The following NRXN3 variants were observed in gnomAD, a reference collection of about 807,000 sequenced individuals.
NRXN3 encodes the protein neurexin 3, also known as neurexin III.
A neutral mutation model predicts 137.6 loss-of-function variants in NRXN3; 32 were observed. That is an observed-to-expected ratio of 0.23 (90% CI 0.18 to 0.31). The LOEUF (loss-of-function observed/expected upper bound fraction) is 0.31, where lower values mean the gene tolerates loss of function less well. Among genes scored for constraint, NRXN3 ranks in the 10% least tolerant of loss-of-function variants. NRXN3 has a pLI of 1.00. For missense variants in NRXN3, 1,574 were observed against 2,062.5 expected, an observed-to-expected ratio of 0.76 and a Z score of 4.59; for synonymous variants, 798 against 784.5, an observed-to-expected ratio of 1.02 and a Z score of -0.29.
intron 10 of NRXN3, among the ~76,000 whole-genome samples, chr14:78,826,240 A>C (rs2098966188): frequency 6.6e-6 from 1 of 152,098 alleles, no homozygotes. Context: ...TCAATTTTTT[A>C]GTTAACCTGT....
At chr14:79,202,543 C>T (rs192264190) in intron 15 of NRXN3, among the ~76,000 whole-genome samples, 8 of 152,160 alleles carry the variant, frequency 5.3e-5, no homozygotes, top group African/African-American at 1.9e-4. Flanking sequence ...TACGACTCTT[C>T]CCCCAAAGTC....
At chr14:78,493,042 A>G (rs2095697938) in intron 4 of NRXN3, among the ~76,000 whole-genome samples, 1 of 152,082 alleles carries the variant, frequency 6.6e-6, no homozygotes. Context: ...AGAGGAATGT[A>G]CCCTTTCCGA....
chr14:78,368,452 T>C (rs2086315911), intron 4 of NRXN3, among the ~76,000 whole-genome samples: 1 of 152,236 alleles, frequency 6.6e-6, no homozygotes, highest in Non-Finnish European at 1.5e-5. Flanking sequence ...GGCTTACGCC[T>C]GTAATCCCAG....
At chr14:78,266,617 A>G (rs1162053794) in intron 2 of NRXN3, among the ~76,000 whole-genome samples, 3 of 152,122 alleles carry the variant, frequency 2.0e-5, no homozygotes, top group Non-Finnish European at 4.4e-5. Context: ...GTTTCTTGGA[A>G]GCAGAACGTC....
chr14:78,297,752 G>T, intron 3 of NRXN3, 79 bp from the exon 4 acceptor site: 1 of 1,098,704 alleles, frequency 9.1e-7, no homozygotes, highest in Non-Finnish European at 1.3e-6. Flanking sequence ...TTGCATTTGG[G>T]ATTTTAACTT....
At chr14:79,589,581 A>C in intron 16 of NRXN3, among the ~76,000 whole-genome samples, 1 of 151,350 alleles carries the variant, frequency 6.6e-6, no homozygotes, top group African/African-American at 2.4e-5. Context: ...GAATCAAATA[A>C]GGAAGAGATA....
chr14:78,647,407 G>C (rs1356638721), intron 5 of NRXN3, among the ~76,000 whole-genome samples: 1 of 152,202 alleles, frequency 6.6e-6, no homozygotes, highest in African/African-American at 2.4e-5. Flanking sequence ...CCGCAGCCAT[G>C]TGTGGTGGCT....
At chr14:79,656,623 T>A (rs2098507498) in intron 16 of NRXN3, among the ~76,000 whole-genome samples, 1 of 151,900 alleles carries the variant, frequency 6.6e-6, no homozygotes, top group East Asian at 1.9e-4. Flanking sequence ...TCTCTTTTTT[T>A]TTTTTTTTTG....
chr14:78,966,918 T>G (rs1442261526), intron 12 of NRXN3, among the ~76,000 whole-genome samples: 1 of 152,218 alleles, frequency 6.6e-6, no homozygotes, highest in African/African-American at 2.4e-5. Flanking sequence ...ATGATGAATT[T>G]AAAAGTCACC....
intron 19 of NRXN3, among the ~76,000 whole-genome samples, chr14:79,791,940 T>C (rs1440042902): frequency 1.3e-5 from 2 of 152,196 alleles, no homozygotes; most frequent in Admixed American, 6.5e-5. Context: ...TCATCTTCCC[T>C]GCTACGCTGA....
At chr14:79,131,143 G>A (rs1202144223) in intron 15 of NRXN3, among the ~76,000 whole-genome samples, 1 of 152,194 alleles carries the variant, frequency 6.6e-6, no homozygotes, top group African/African-American at 2.4e-5. Context: ...GTAGCTCAGA[G>A]TAATTTGATC....
chr14:79,199,880 T>TA (rs1459157945), intron 15 of NRXN3: 1 of 152,178 alleles, frequency 6.6e-6, no homozygotes, highest in Admixed American at 6.5e-5. Flanking sequence ...GGTGAAAACT[T>TA]ATAAAAGGCC....
chr14:79,654,363 A>T (rs913282771), intron 16 of NRXN3, among the ~76,000 whole-genome samples: 5 of 152,182 alleles, frequency 3.3e-5, no homozygotes, highest in Non-Finnish European at 5.9e-5. Flanking sequence ...TTAAACTTAA[A>T]AAAAGTTCCA....
At chr14:78,177,402 G>T (rs2059381057) in intron 1 of NRXN3, among the ~76,000 whole-genome samples, 1 of 152,040 alleles carries the variant, frequency 6.6e-6, no homozygotes, top group Non-Finnish European at 1.5e-5. Flanking sequence ...GGGTGGGGTG[G>T]GGCCAGAGAA....
At chr14:78,971,689 G>A (rs563151326) in intron 14 of NRXN3, among the ~76,000 whole-genome samples, 93 of 152,226 alleles carry the variant, frequency 6.1e-4, no homozygotes, top group African/African-American at 2.1e-3. Flanking sequence ...AGGCTGGAGT[G>A]CAGTGGCGTG....
chr14:78,686,774 T>C (rs965627786), intron 6 of NRXN3, among the ~76,000 whole-genome samples: 1 of 152,190 alleles, frequency 6.6e-6, no homozygotes, highest in Admixed American at 6.5e-5. Flanking sequence ...AGCAGAACCC[T>C]TGATGCTTGG....
chr14:79,256,093 C>CCT (rs368357855), intron 15 of NRXN3, among the ~76,000 whole-genome samples: 1 of 151,476 alleles, frequency 6.6e-6, no homozygotes, highest in African/African-American at 2.4e-5. Context: ...GTCCATCCCT[C>CCT]CTCTCTCTCT....
At position 78,604,202 on chromosome 14, in the gene NRXN3, C is replaced by A. The variant is rs76380576; in HGVS notation, c.758-40918C>A. Among the ~76,000 whole-genome samples the A allele has an allele frequency of 2.4e-4, 37 of 152,208 alleles. 1 individual carries two copies. In the East Asian group the frequency reaches 7.0e-3, roughly 29 times the overall value. On this transcript the variant is annotated intron_variant, in intron 4 of 20. Coordinates refer to ENST00000335750, the MANE Select transcript of NRXN3 (RefSeq NM_001330195.2). ...CCTCCATAATTCAATTATCTCCTAC[C>A]GGGTTTCTCTCACAACACTTGGGAA...
intron 15 of NRXN3, among the ~76,000 whole-genome samples, chr14:79,399,692 G>A (rs992633885): frequency 6.6e-6 from 1 of 152,164 alleles, no homozygotes; most frequent in Non-Finnish European, 1.5e-5. Flanking sequence ...CAAGGCTATG[G>A]CAGATGTAAG....
Sources: allele counts gnomAD v4.1 joint callset (sites outside exome capture counted in the v4.1 genomes callset), GRCh38; gene constraint gnomAD v4.1.1; transcripts MANE v1.5; gene names NCBI Gene and HGNC (gene_info 2026-07-23, HGNC 2026-07-21).